REEP5: variants seen among roughly 807,000 people sequenced by gnomAD.
The protein encoded by REEP5 is receptor accessory protein 5.
Under a neutral mutation model 22.4 loss-of-function variants are expected in REEP5, and 24 were observed. That is an observed-to-expected ratio of 1.07 (90% CI 0.78 to 1.51). The LOEUF is 1.51. Among genes scored for constraint, REEP5 ranks in the 40% most tolerant of loss-of-function variants. The pLI is 0.00. For missense variants in REEP5, 252 were observed against 233.0 expected (o/e 1.08, Z -0.53); for synonymous variants, 103 against 88.6 (o/e 1.16, Z -0.92).
At chr5:112,899,091 T>C (rs1220286623) in intron 3 of REEP5, among the ~76,000 whole-genome samples, 1 of 152,184 alleles carries the variant, frequency 6.6e-6, no homozygotes, top group Non-Finnish European at 1.5e-5. Flanking sequence ...ACTTTTTTTC[T>C]TTTTCGAGAC....
chr5:112,911,791 C>T (rs947698885), intron 2 of REEP5, among the ~76,000 whole-genome samples: 1 of 152,158 alleles, frequency 6.6e-6, no homozygotes, highest in African/African-American at 2.4e-5. Flanking sequence ...AAGAAAACCA[C>T]TAGCCATATC....
rs776362524 is a variant in REEP5, at chr5:112,892,261, A to C, written c.352-5078T>G. 8.1e-6 allele frequency: 13 copies of C among 1,614,024 alleles called. 2 individuals carry two copies. Among genetic ancestry groups the C allele is most frequent in the Middle Eastern group, 3.3e-4 (2 of 6,084 alleles). ...AACATCTAGTCCTACCCTTCTTATTAAGAGCATGTTTACAACGTTTGGAAT... is the reference window on the plus strand; with the variant it reads ...AACATCTAGTCCTACCCTTCTTATTCAGAGCATGTTTACAACGTTTGGAAT... On this transcript the variant is annotated intron_variant, in intron 3 of 4. Transcript: ENST00000379638.
At position 112,877,979 on chromosome 5, in the gene REEP5, C is replaced by CTGTGTG. The variant is rs1491389635; in HGVS notation, c.*806_*807insCACACA. On this transcript the variant is annotated 3_prime_UTR_variant, in exon 5 of 5. Coordinates refer to ENST00000379638, the MANE Select transcript of REEP5 (RefSeq NM_005669.5). ...TCAGGGAATTGAGAGTTACAGGTTA[C>CTGTGTG]TCTGTGTGTGTGTGTGTGTGTGTGT... 3 of 115,382 alleles carry CTGTGTG rather than the reference C, an allele frequency of 2.6e-5. No individual in the cohort carries two copies. Among genetic ancestry groups the CTGTGTG allele is most frequent in the Admixed American group, 9.2e-5 (1 of 10,874 alleles). 7.1% of individuals were successfully genotyped at this position (115,382 alleles called of 1,614,324 possible).
chr5:112,919,255 C>G (rs1027448948), intron 2 of REEP5, among the ~76,000 whole-genome samples: 1 of 152,116 alleles, frequency 6.6e-6, no homozygotes, highest in Admixed American at 6.5e-5. Flanking sequence ...GCAATTAAGA[C>G]ATGAGGGCTT....
At chr5:112,902,159 C>T (rs1045490646) in intron 3 of REEP5, among the ~76,000 whole-genome samples, 7 of 150,806 alleles carry the variant, frequency 4.6e-5, no homozygotes, top group Non-Finnish European at 8.9e-5. Flanking sequence ...CAGTGGTGTG[C>T]GCCTATGGTC....
chr5:112,918,916 G>C (rs1263039773), intron 2 of REEP5, among the ~76,000 whole-genome samples: 5 of 152,130 alleles, frequency 3.3e-5, no homozygotes, highest in African/African-American at 4.8e-5. Context: ...TTACTTTAGA[G>C]GGCTTACCAC....
At chr5:112,908,701 G>A (rs1189902343) in intron 2 of REEP5, among the ~76,000 whole-genome samples, 7 of 151,380 alleles carry the variant, frequency 4.6e-5, no homozygotes, top group South Asian at 4.2e-4. Context: ...CCACGACAGC[G>A]CCCACGACCA....
intron 3 of REEP5, chr5:112,893,329 G>A (rs1580740213): frequency 1.3e-5 from 3 of 233,816 alleles, no homozygotes; most frequent in East Asian, 1.2e-4. Flanking sequence ...AGAATCGCTT[G>A]AATCTGGAAG....
intron 2 of REEP5, among the ~76,000 whole-genome samples, chr5:112,916,640 A>T (rs1440462957): frequency 2.6e-5 from 4 of 152,228 alleles, no homozygotes; most frequent in Non-Finnish European, 5.9e-5. Flanking sequence ...TGAAAGGCCT[A>T]CATTTTTTAA....
At chr5:112,909,104 C>T (rs1404287423) in intron 2 of REEP5, among the ~76,000 whole-genome samples, 1 of 151,470 alleles carries the variant, frequency 6.6e-6, no homozygotes, top group Non-Finnish European at 1.5e-5. Flanking sequence ...TTCATTTCTT[C>T]TCAGTGCTTT....
chr5:112,909,713 GC>G (rs1207359732), intron 2 of REEP5, among the ~76,000 whole-genome samples: 1 of 152,108 alleles, frequency 6.6e-6, no homozygotes, highest in African/African-American at 2.4e-5. Flanking sequence ...AGTACACTGG[GC>G]CCCAGTAACT....
rs919648752 is a variant in REEP5, at chr5:112,890,175, G to C, written c.352-2992C>G. On this transcript the variant is annotated intron_variant, in intron 3 of 4. Transcript: ENST00000379638. ...CCAGGCTTGGTGATGTATGCCTGTGGTCCTCCTGGGAGGTTGAGGTGGGAG... is the reference window on the plus strand; with the variant it reads ...CCAGGCTTGGTGATGTATGCCTGTGCTCCTCCTGGGAGGTTGAGGTGGGAG... 4.8e-4 allele frequency among the ~76,000 whole-genome samples: 72 copies of C among 150,362 alleles called. 4 individuals carry two copies. Among genetic ancestry groups the C allele is most frequent in the African/African-American group, 1.7e-3 (70 of 40,336 alleles).
intron 3 of REEP5, chr5:112,892,548 A>G (rs1322564526): frequency 6.2e-7 from 1 of 1,614,228 alleles, no homozygotes; most frequent in South Asian, 1.1e-5. Flanking sequence ...GACAGCTGCA[A>G]TGTGAATTCT....
At chr5:112,886,240 G>A (rs556127997) in intron 4 of REEP5, among the ~76,000 whole-genome samples, 16 of 152,302 alleles carry the variant, frequency 1.1e-4, no homozygotes, top group East Asian at 5.8e-4. Flanking sequence ...CTGTTTAAAC[G>A]TCATAGATAA....
chr5:112,900,449 G>C (rs1325882473), intron 3 of REEP5, among the ~76,000 whole-genome samples: 1 of 152,086 alleles, frequency 6.6e-6, no homozygotes, highest in Non-Finnish European at 1.5e-5. Flanking sequence ...CAGAGGTTTT[G>C]GCATAAAAGT....
At chr5:112,908,630 A>G (rs974703687) in intron 2 of REEP5, among the ~76,000 whole-genome samples, 1 of 151,864 alleles carries the variant, frequency 6.6e-6, no homozygotes, top group South Asian at 2.1e-4. Flanking sequence ...GGTTCATGCC[A>G]TTCTCCTGCC....
chr5:112,881,583 C>T (rs2150033866), intron 4 of REEP5, among the ~76,000 whole-genome samples: 1 of 152,240 alleles, frequency 6.6e-6, no homozygotes, highest in Admixed American at 6.5e-5. Context: ...TCTCATGACC[C>T]TAGTACAAAT....
At chr5:112,908,284 G>A (rs1769008019) in intron 2 of REEP5, among the ~76,000 whole-genome samples, 1 of 151,784 alleles carries the variant, frequency 6.6e-6, no homozygotes, top group Non-Finnish European at 1.5e-5. Context: ...TGTATTTTTA[G>A]TAGAGACAGG....
chr5:112,910,084 C>T (rs575488966), intron 2 of REEP5, among the ~76,000 whole-genome samples: 9 of 152,208 alleles, frequency 5.9e-5, no homozygotes, highest in Non-Finnish European at 1.3e-4. Flanking sequence ...GGGTGGATCA[C>T]TTGAGGTCAG....
Sources: gnomAD v4.1 joint callset for allele counts (sites outside exome capture counted in the v4.1 genomes callset) on GRCh38, gnomAD v4.1.1 for gene constraint, MANE v1.5 for transcripts, NCBI Gene and HGNC (gene_info 2026-07-23, HGNC 2026-07-21) for gene names.